Variants in PSEN1 observed in about 807,000 individuals in gnomAD.
PSEN1 encodes the protein presenilin 1.
PSEN1 carries 15 observed loss-of-function variants against 53.5 expected under a neutral mutation model. The ratio of observed to expected loss-of-function variants is 0.28; its 90% CI spans 0.19 to 0.43. PSEN1 has a LOEUF of 0.43. PSEN1 is among the 20% of genes least tolerant of loss of function. PSEN1 has a pLI of 1.00. For missense variants in PSEN1, 387 were observed against 571.2 expected, an observed-to-expected ratio of 0.68 and a Z score of 3.29; for synonymous variants, 208 against 209.8, an observed-to-expected ratio of 0.99 and a Z score of 0.08.
intron 6 of PSEN1, among the ~76,000 whole-genome samples, chr14:73,191,304 A>C (rs959874513): frequency 6.6e-6 from 1 of 152,074 alleles, no homozygotes; most frequent in Non-Finnish European, 1.5e-5. Flanking sequence ...CATAAATGGG[A>C]TCCTATATTT....
intron 1 of PSEN1, among the ~76,000 whole-genome samples, chr14:73,142,943 G>C (rs214276): frequency 6.6e-6 from 1 of 152,200 alleles, no homozygotes; most frequent in Non-Finnish European, 1.5e-5. Flanking sequence ...AAAAACACCA[G>C]AGTAGATTCT....
chr14:73,143,668 G>A (rs965307437), intron 1 of PSEN1, among the ~76,000 whole-genome samples: 2 of 152,132 alleles, frequency 1.3e-5, no homozygotes, highest in Non-Finnish European at 2.9e-5. Flanking sequence ...ATGGTTTCTT[G>A]TAATAACCGA....
chr14:73,163,054 T>C (rs1377257892), intron 3 of PSEN1, among the ~76,000 whole-genome samples: 1 of 152,242 alleles, frequency 6.6e-6, no homozygotes, highest in Non-Finnish European at 1.5e-5. Context: ...TCGATTATCA[T>C]CTGTAGATTC....
chr14:73,167,828 CTTTTTTTTTT>C, intron 3 of PSEN1: 1 of 125,776 alleles, frequency 8.0e-6, no homozygotes, highest in South Asian at 2.6e-4. Flanking sequence ...CCTCTTCCAC[CTTTTTTTTTT>C]TTTTTTTTGC....
At chr14:73,196,096 T>A (rs939151513) in intron 7 of PSEN1, among the ~76,000 whole-genome samples, 2 of 152,232 alleles carry the variant, frequency 1.3e-5, no homozygotes, top group Non-Finnish European at 2.9e-5. Context: ...GAGTAGTGAT[T>A]CTCGGCTCCA....
At chr14:73,152,704 G>T (rs940359303) in intron 3 of PSEN1, among the ~76,000 whole-genome samples, 1 of 151,978 alleles carries the variant, frequency 6.6e-6, no homozygotes, top group African/African-American at 2.4e-5. Context: ...TTATGCCCTT[G>T]TCATCAATAA....
chr14:73,146,733 T>G (rs1230305885), intron 1 of PSEN1, among the ~76,000 whole-genome samples: 1 of 152,092 alleles, frequency 6.6e-6, no homozygotes. Flanking sequence ...GAGGAAAGAG[T>G]ATCCTGATGT....
chr14:73,219,635 G>A lies in PSEN1; in HGVS notation c.*346G>A, dbSNP rs945112186. 1.1e-5 allele frequency: 4 copies of A among 350,674 alleles called. No homozygotes were observed. The highest frequency in any genetic ancestry group is 1.4e-4 in the East Asian group (2 of 14,228). The allele number at this position is 350,674 out of a possible 1,614,324, so 21.7% of individuals were successfully genotyped here. A position where few individuals can be genotyped will look rare whatever the true frequency, so the allele number is the denominator to read the frequency against. On this transcript the variant is annotated 3_prime_UTR_variant, in exon 12 of 12. Transcript: ENST00000324501. ...CACAGGACGATTTCACTGACACTGC[G>A]AACTCTCAGGACTACCGTTACCAAG...
At chr14:73,201,588 T>C (rs552485032) in intron 8 of PSEN1, among the ~76,000 whole-genome samples, 2 of 152,206 alleles carry the variant, frequency 1.3e-5, no homozygotes, top group East Asian at 3.9e-4. Context: ...GTGGAAGTGA[T>C]GGTGTAGGCA....
chr14:73,210,243 G>A (rs1203302618), intron 9 of PSEN1, among the ~76,000 whole-genome samples: 3 of 152,094 alleles, frequency 2.0e-5, no homozygotes, highest in Non-Finnish European at 4.4e-5. Flanking sequence ...AAAAAATGAG[G>A]CAGTTTTCCA....
chr14:73,216,197 G>A (rs531561881), intron 10 of PSEN1, among the ~76,000 whole-genome samples: 6 of 152,170 alleles, frequency 3.9e-5, no homozygotes, highest in Non-Finnish European at 8.8e-5. Context: ...GGCATGTATT[G>A]TATGAGTCAT....
At chr14:73,151,234 A>G (rs977702660) in intron 3 of PSEN1, among the ~76,000 whole-genome samples, 1 of 152,192 alleles carries the variant, frequency 6.6e-6, no homozygotes, top group Non-Finnish European at 1.5e-5. Flanking sequence ...TCTTGTGAAT[A>G]TATAAAAATA....
intron 10 of PSEN1, among the ~76,000 whole-genome samples, chr14:73,215,719 A>G (rs973118403): frequency 2.0e-5 from 3 of 152,208 alleles, no homozygotes; most frequent in African/African-American, 7.2e-5. Context: ...CAAAAGAGAT[A>G]TATAATGGCT....
intron 9 of PSEN1, 137 bp from the exon 10 acceptor site, chr14:73,211,632 G>A (rs1899683812): frequency 4.8e-6 from 4 of 824,810 alleles, no homozygotes; most frequent in Non-Finnish European, 7.8e-6. Flanking sequence ...CTACCAGCAG[G>A]CACTGCTACA....
intron 1 of PSEN1, among the ~76,000 whole-genome samples, chr14:73,144,035 CTTTTTTT>C (rs766901431): frequency 6.7e-5 from 4 of 59,484 alleles, no homozygotes; most frequent in African/African-American, 1.3e-4. Flanking sequence ...TATAGCTTAT[CTTTTTTT>C]TTTTTTTTTT....
At chr14:73,164,214 T>C (rs1013364151) in intron 3 of PSEN1, among the ~76,000 whole-genome samples, 2 of 152,188 alleles carry the variant, frequency 1.3e-5, no homozygotes, top group African/African-American at 4.8e-5. Context: ...TGCTGCTGTT[T>C]ATTGAGATAA....
At chr14:73,155,581 G>A (rs1157539542) in intron 3 of PSEN1, among the ~76,000 whole-genome samples, 1 of 151,984 alleles carries the variant, frequency 6.6e-6, no homozygotes, top group African/African-American at 2.4e-5. Flanking sequence ...ATAGCTCAGT[G>A]CAGCCTGTAA....
intron 8 of PSEN1, 79 bp from the exon 9 acceptor site, chr14:73,206,307 T>C: frequency 1.0e-6 from 1 of 971,394 alleles, no homozygotes; most frequent in Non-Finnish European, 1.7e-6. Context: ...GCGATTTGTG[T>C]GGAGAAATGA....
chr14:73,146,484 C>T (rs975345558), intron 1 of PSEN1, among the ~76,000 whole-genome samples: 3 of 152,208 alleles, frequency 2.0e-5, no homozygotes, highest in Admixed American at 6.5e-5. Context: ...ATTTGCATTT[C>T]GCTGATCTCA....
Sources: allele counts gnomAD v4.1 joint callset (sites outside exome capture counted in the v4.1 genomes callset), GRCh38; gene constraint gnomAD v4.1.1; transcripts MANE v1.5; gene names NCBI Gene and HGNC (gene_info 2026-07-23, HGNC 2026-07-21).